OXSR1: variants seen among roughly 807,000 people sequenced by gnomAD.
The protein encoded by OXSR1 is oxidative stress responsive kinase 1.
In OXSR1, 24 loss-of-function variants were observed where a neutral mutation model predicts 79.8. The ratio of observed to expected loss-of-function variants is 0.30; its 90% confidence interval spans 0.22 to 0.42. The LOEUF (loss-of-function observed/expected upper bound fraction) is 0.42, where lower values mean the gene tolerates loss of function less well. Ranked by LOEUF, OXSR1 falls within the 10% of genes least tolerant of loss-of-function variation. OXSR1 has a pLI of 1.00. For synonymous variants in OXSR1, 226 were observed against 209.2 expected (o/e 1.08, Z -0.69); for missense variants, 430 against 618.4 (o/e 0.70, Z 3.23).
At chr3:38,244,328 G>A (rs1703092967) in intron 12 of OXSR1, among the ~76,000 whole-genome samples, 1 of 151,964 alleles carries the variant, frequency 6.6e-6, no homozygotes, top group South Asian at 2.1e-4. Context: ...CAAGTATATA[G>A]TCCAGTGGTA....
intron 1 of OXSR1, among the ~76,000 whole-genome samples, chr3:38,179,854 G>A (rs1000435011): frequency 1.2e-4 from 18 of 151,656 alleles, no homozygotes; most frequent in African/African-American, 4.4e-4. Context: ...TGTTGCCCAG[G>A]CTGGAGGAAA....
intron 1 of OXSR1, among the ~76,000 whole-genome samples, chr3:38,181,538 T>G (rs1701786724): frequency 6.6e-6 from 1 of 151,886 alleles, no homozygotes; most frequent in Admixed American, 6.6e-5. Flanking sequence ...GTATTTTTAG[T>G]AGAGATGGGG....
intron 3 of OXSR1, among the ~76,000 whole-genome samples, chr3:38,197,918 T>C (rs537586625): frequency 6.6e-6 from 1 of 152,364 alleles, no homozygotes; most frequent in South Asian, 2.1e-4. Context: ...TCTAGACTTC[T>C]TGGCACAGTT....
At chr3:38,213,569 TC>T (rs1478001154) in intron 4 of OXSR1, among the ~76,000 whole-genome samples, 1 of 152,216 alleles carries the variant, frequency 6.6e-6, no homozygotes, top group African/African-American at 2.4e-5. Flanking sequence ...CTTTATCTAA[TC>T]ATGATATGTG....
At chr3:38,187,613 G>GA (rs548082202) in intron 2 of OXSR1, among the ~76,000 whole-genome samples, 1 of 151,442 alleles carries the variant, frequency 6.6e-6, no homozygotes, top group African/African-American at 2.4e-5. Context: ...GTTACCATTA[G>GA]AAAAAAAAGG....
At chr3:38,209,728 G>T (rs1407090224) in intron 4 of OXSR1, among the ~76,000 whole-genome samples, 1 of 150,870 alleles carries the variant, frequency 6.6e-6, no homozygotes, top group East Asian at 2.0e-4. Context: ...TCTGCCTCCT[G>T]GGTTCATGCG....
At chr3:38,226,081 A>C (rs1702682817) in intron 8 of OXSR1, among the ~76,000 whole-genome samples, 1 of 152,128 alleles carries the variant, frequency 6.6e-6, no homozygotes, top group Admixed American at 6.5e-5. Flanking sequence ...GAAAGTTAAA[A>C]AAGCTTTACC....
At chr3:38,193,859 A>G (rs1456339492) in intron 3 of OXSR1, among the ~76,000 whole-genome samples, 4 of 152,158 alleles carry the variant, frequency 2.6e-5, no homozygotes, top group Non-Finnish European at 5.9e-5. Flanking sequence ...CTATATTTTT[A>G]TGAGTCAACA....
chr3:38,224,477 T>A lies in OXSR1; in HGVS notation c.703-94T>A, dbSNP rs116288865. The A allele has an allele frequency of 1.5e-3, 1,321 of 873,056 alleles. 13 individuals are homozygous for A. The African/African-American group carries it at 0.02, about 13-fold the overall frequency. The allele number at this position is 873,056 out of a possible 1,614,324, so 54.1% of individuals were successfully genotyped here. A position where few individuals can be genotyped will look rare whatever the true frequency, so the allele number is the denominator to read the frequency against. Reference sequence around the variant, plus strand: ...TACAGAAAATAAAATGTTTGTATGTTGGTCGGGGGGTGCCTGTATTGAAAA... The same window carrying A: ...TACAGAAAATAAAATGTTTGTATGTAGGTCGGGGGGTGCCTGTATTGAAAA... On this transcript the variant is annotated intron_variant, in intron 7 of 17. Coordinates refer to ENST00000311806, the MANE Select transcript of OXSR1 (RefSeq NM_005109.3).
chr3:38,224,648 T>C lies in OXSR1; in HGVS notation c.780T>C (p.Tyr260=), dbSNP rs771512757. The change falls in exon 8 of 18, where the codon TAT becomes TAC. Residue 260 remains tyrosine (Y), a synonymous_variant. Coordinates refer to ENST00000311806, the MANE Select transcript of OXSR1 (RefSeq NM_005109.3). ...AAGATAAAGAAATGCTGAAAAAATA[T>C]GGAAAATCATTTAGAAAAATGATTT... is the stretch of plus-strand genomic sequence containing the variant. ...GVQDKEMLKK[Y]GKSFRKMISL... 6.1e-5 allele frequency: 98 copies of C among 1,594,462 alleles called. No homozygotes were observed. Among genetic ancestry groups the C allele is most frequent in the Non-Finnish European group, 8.0e-5 (93 of 1,168,674 alleles).
chr3:38,184,903 C>CTTTTTTTTTTTTTT lies in OXSR1; in HGVS notation c.183+1823_183+1836dup, dbSNP rs1213000624. On this transcript the variant is annotated intron_variant, in intron 2 of 17. Coordinates refer to ENST00000311806, the MANE Select transcript of OXSR1 (RefSeq NM_005109.3). ...TAGTTCAAAAGTAGAAAGAACATTTCTTTTTTTTTTTTTTTTTTTTTTTTT... is the reference window on the plus strand; with the variant it reads ...TAGTTCAAAAGTAGAAAGAACATTTCTTTTTTTTTTTTTTTTTTTTTTTTTTTTTTTTTTTTTTT... Among the ~76,000 whole-genome samples, 6 of 22,888 alleles carry CTTTTTTTTTTTTTT rather than the reference C, an allele frequency of 2.6e-4. 2 individuals carry two copies. Among genetic ancestry groups the CTTTTTTTTTTTTTT allele is most frequent in the Non-Finnish European group, 5.3e-4 (5 of 9,384 alleles). The allele number at this position is 22,888 out of a possible 152,430, so 15.0% of individuals were successfully genotyped here.
At chr3:38,171,196 T>A (rs895643630) in intron 1 of OXSR1, among the ~76,000 whole-genome samples, 1 of 152,204 alleles carries the variant, frequency 6.6e-6, no homozygotes, top group African/African-American at 2.4e-5. Context: ...AAAAAAATTT[T>A]TTTTCTTTGA....
At chr3:38,247,606 C>G in intron 13 of OXSR1, 62 bp from the exon 14 acceptor site, 1 of 1,170,108 alleles carries the variant, frequency 8.5e-7, no homozygotes, top group Non-Finnish European at 1.3e-6. Context: ...TGCCAGTGAC[C>G]ATTAGTCACC....
intron 10 of OXSR1, among the ~76,000 whole-genome samples, chr3:38,231,335 TA>T (rs34846295): frequency 0.035 from 5,155 of 145,702 alleles, 96 homozygotes; most frequent in Middle Eastern, 0.13. Context: ...CTTGGGGACT[TA>T]AAAAAAAAAA....
intron 1 of OXSR1, among the ~76,000 whole-genome samples, chr3:38,179,132 GC>G (rs1701733578): frequency 6.7e-6 from 1 of 149,852 alleles, no homozygotes; most frequent in South Asian, 2.1e-4. Flanking sequence ...CCAGGCTCAA[GC>G]GATCCTCCTA....
At chr3:38,165,103 C>G (rs1701410921), upstream of OXSR1, 1 of 152,322 alleles carries the variant, frequency 6.6e-6, no homozygotes, top group Admixed American at 6.5e-5. Context: ...GGCTGCAGCC[C>G]TAACACGGAG....
chr3:38,226,533 C>T (rs1413941868), intron 8 of OXSR1, among the ~76,000 whole-genome samples: 2 of 151,966 alleles, frequency 1.3e-5, no homozygotes, highest in Non-Finnish European at 2.9e-5. Flanking sequence ...TTACAATGCA[C>T]CTCCTCTACC....
intron 11 of OXSR1, among the ~76,000 whole-genome samples, chr3:38,238,018 G>C (rs753832744): frequency 6.6e-6 from 1 of 152,006 alleles, no homozygotes; most frequent in East Asian, 1.9e-4. Flanking sequence ...ACAAATATTT[G>C]GAGAGATACA....
chr3:38,250,037 T>C lies in OXSR1; in HGVS notation c.1375+19T>C. On this transcript the variant is annotated intron_variant, in intron 15 of 17. Coordinates refer to ENST00000311806, the MANE Select transcript of OXSR1 (RefSeq NM_005109.3). Reference sequence around the variant, plus strand: ...GGGAGAGGTGAGGCATCAAATGGATTGAAAACAAAATAGCTTCCAATTTGT... The same window carrying C: ...GGGAGAGGTGAGGCATCAAATGGATCGAAAACAAAATAGCTTCCAATTTGT... The C allele has an allele frequency of 6.7e-7, 1 of 1,497,032 alleles. No homozygotes were observed. The highest frequency in any genetic ancestry group is 9.3e-7 in the Non-Finnish European group (1 of 1,075,552). 92.7% of individuals were successfully genotyped at this position (1,497,032 alleles called of 1,614,324 possible). A position where few individuals can be genotyped will look rare whatever the true frequency, so the allele number is the denominator to read the frequency against.
Sources: gnomAD v4.1 joint callset for allele counts (sites outside exome capture counted in the v4.1 genomes callset) on GRCh38, gnomAD v4.1.1 for gene constraint, MANE v1.5 for transcripts, NCBI Gene and HGNC (gene_info 2026-07-23, HGNC 2026-07-21) for gene names.